KLHL1: variants seen among roughly 807,000 people sequenced by gnomAD.
KLHL1 encodes the protein kelch-like protein 1.
Under a neutral mutation model 77.7 loss-of-function variants are expected in KLHL1, and 47 were observed. The ratio of observed to expected loss-of-function variants is 0.60; its 90% confidence interval spans 0.48 to 0.77. The LOEUF is 0.77. Among genes scored for constraint, KLHL1 ranks in the 30% least tolerant of loss-of-function variants. The pLI, the probability that KLHL1 is intolerant of heterozygous loss-of-function variation, is 0.00. For synonymous variants in KLHL1, 360 were observed against 325.2 expected (o/e 1.11, Z -1.15); for missense variants, 925 against 910.8 (o/e 1.02, Z -0.20).
intron 4 of KLHL1, among the ~76,000 whole-genome samples, chr13:69,886,717 A>G (rs1881233614): frequency 1.3e-5 from 2 of 152,248 alleles, no homozygotes; most frequent in South Asian, 4.1e-4. Flanking sequence ...GCTAATATCA[A>G]ACCAACACAT....
intron 4 of KLHL1, among the ~76,000 whole-genome samples, chr13:69,904,730 A>C (rs1881990918): frequency 6.6e-6 from 1 of 152,182 alleles, no homozygotes; most frequent in African/African-American, 2.4e-5. Flanking sequence ...TCAAAGCCAG[A>C]CAGTCTGGCT....
intron 7 of KLHL1, among the ~76,000 whole-genome samples, chr13:69,771,652 T>C (rs1256073839): frequency 1.3e-5 from 2 of 152,218 alleles, no homozygotes; most frequent in African/African-American, 2.4e-5. Flanking sequence ...ATATTCTTTT[T>C]TCCTTTACTG....
At chr13:69,821,318 T>C (rs1462067367) in intron 6 of KLHL1, among the ~76,000 whole-genome samples, 1 of 152,092 alleles carries the variant, frequency 6.6e-6, no homozygotes, top group East Asian at 1.9e-4. Flanking sequence ...ATGTCTTCTT[T>C]TTTTTTCTTT....
At chr13:69,971,358 C>A (rs545502859) in intron 2 of KLHL1, among the ~76,000 whole-genome samples, 249 of 152,136 alleles carry the variant, frequency 1.6e-3, no homozygotes, top group Non-Finnish European at 2.4e-3. Flanking sequence ...CCTCAAGAAC[C>A]TACATTAGCT....
chr13:69,752,213 A>T (rs551349828), intron 7 of KLHL1, among the ~76,000 whole-genome samples: 1 of 152,248 alleles, frequency 6.6e-6, no homozygotes, highest in South Asian at 2.1e-4. Context: ...CTTCTAACCA[A>T]GCTTCAGTCT....
chr13:69,904,342 A>T (rs1053862025), intron 4 of KLHL1, among the ~76,000 whole-genome samples: 1 of 152,196 alleles, frequency 6.6e-6, no homozygotes, highest in African/African-American at 2.4e-5. Context: ...GAATATGAAT[A>T]TAAAAAAGTA....
chr13:69,951,945 T>C (rs961868842), intron 3 of KLHL1, among the ~76,000 whole-genome samples: 1 of 151,426 alleles, frequency 6.6e-6, no homozygotes, highest in African/African-American at 2.4e-5. Context: ...TATGCAATTC[T>C]TTCTGAAAAC....
intron 7 of KLHL1, among the ~76,000 whole-genome samples, chr13:69,757,818 G>C (rs760779076): frequency 4.6e-5 from 7 of 151,890 alleles, no homozygotes; most frequent in Non-Finnish European, 8.8e-5. Flanking sequence ...TTAGCTTGGC[G>C]TGGTGGCAGG....
At chr13:69,762,782 C>T (rs1289174325) in intron 7 of KLHL1, among the ~76,000 whole-genome samples, 1 of 151,012 alleles carries the variant, frequency 6.6e-6, no homozygotes, top group Admixed American at 6.7e-5. Context: ...TCTCTATGAA[C>T]AATAAAACTG....
At chr13:69,840,540 T>C (rs902264767) in intron 5 of KLHL1, among the ~76,000 whole-genome samples, 3 of 151,876 alleles carry the variant, frequency 2.0e-5, no homozygotes, top group African/African-American at 7.2e-5. Context: ...AGTTTTAATC[T>C]GAATAAGAAA....
At position 70,107,848 on chromosome 13, in the gene KLHL1, C is replaced by A; in HGVS notation, c.-149G>T. On this transcript the variant is annotated 5_prime_UTR_variant, in exon 1 of 11. Transcript: ENST00000377844. The stretch of plus-strand genomic sequence containing the variant: ...GCCAGAAGACGCTAGGTGGGCTGCG[C>A]GCTCTGCCAGGCGAAGGCTGGAGCG... 1.6e-6 allele frequency: 1 copy of A among 619,344 alleles called. No homozygotes were observed. The highest frequency in any genetic ancestry group is 2.6e-6 in the Non-Finnish European group (1 of 378,188). The allele number at this position is 619,344 out of a possible 1,614,324, so 38.4% of individuals were successfully genotyped here.
intron 1 of KLHL1, among the ~76,000 whole-genome samples, chr13:70,085,971 T>C (rs1887526402): frequency 6.6e-6 from 1 of 152,158 alleles, no homozygotes; most frequent in Admixed American, 6.5e-5. Context: ...TAAGTAAAAT[T>C]TGCTTTACTT....
intron 8 of KLHL1, among the ~76,000 whole-genome samples, chr13:69,729,973 C>T (rs1408160248): frequency 6.6e-6 from 1 of 151,434 alleles, no homozygotes; most frequent in South Asian, 2.1e-4. Context: ...GCTAGCTGAC[C>T]AAAAAATACA....
intron 7 of KLHL1, among the ~76,000 whole-genome samples, chr13:69,781,282 TTTC>T (rs1593824229): frequency 3.1e-5 from 4 of 130,936 alleles, no homozygotes; most frequent in African/African-American, 1.2e-4. Flanking sequence ...CCTTTTTTTC[TTTC>T]TTTTTTTTTT....
intron 7 of KLHL1, among the ~76,000 whole-genome samples, chr13:69,758,503 C>A: frequency 6.6e-6 from 1 of 151,950 alleles, no homozygotes; most frequent in East Asian, 1.9e-4. Flanking sequence ...ACACAAAAAT[C>A]ACATCTTCAT....
rs12866999 is a variant in KLHL1, at chr13:70,075,573, A to G, written c.497+31630T>C. ...TATACCTGTGTGTGTGTATGTGTATATATATATATATATATACACACACAC... is the reference window on the plus strand; with the variant it reads ...TATACCTGTGTGTGTGTATGTGTATGTATATATATATATATACACACACAC... On this transcript the variant is annotated intron_variant, in intron 1 of 10. Transcript: ENST00000377844. 6.0e-4 allele frequency among the ~76,000 whole-genome samples: 61 copies of G among 101,310 alleles called. 1 individual carries two copies. Among genetic ancestry groups the G allele is most frequent in the African/African-American group, 2.1e-3 (59 of 27,538 alleles). The allele number at this position is 101,310 out of a possible 152,430, so 66.5% of individuals were successfully genotyped here.
At chr13:69,910,155 G>T (rs1882189265) in intron 4 of KLHL1, among the ~76,000 whole-genome samples, 1 of 151,816 alleles carries the variant, frequency 6.6e-6, no homozygotes, top group Non-Finnish European at 1.5e-5. Flanking sequence ...CACAACACTT[G>T]GCATATGGTC....
chr13:69,794,552 G>C (rs989318791), intron 7 of KLHL1, among the ~76,000 whole-genome samples: 4 of 146,038 alleles, frequency 2.7e-5, no homozygotes, highest in Admixed American at 2.7e-4. Flanking sequence ...CAGAGAAAGA[G>C]GAGAGAGAGA....
At position 70,107,215 on chromosome 13, in the gene KLHL1, C is replaced by A. The variant is rs1054147579; in HGVS notation, c.485G>T (p.Gly162Val). The change falls in exon 1 of 11, where the codon GGA becomes GTA. Residue 162 changes from glycine to valine, a missense_variant. Coordinates refer to ENST00000377844, the MANE Select transcript of KLHL1 (RefSeq NM_020866.3). ...GGACTTACTGTACCTGTGTCCACAT[C>A]CTTCACCTGTTGCCTGGCTAGAGTT... is the stretch of plus-strand genomic sequence containing the variant. ...PDNSSQATGE[G>V]CGHRLSSTGH... 1.2e-6 allele frequency: 2 copies of A among 1,609,848 alleles called. No individual in the cohort carries two copies. Among genetic ancestry groups the A allele is most frequent in the African/African-American group, 1.3e-5 (1 of 74,894 alleles).
Sources: gnomAD v4.1 joint callset for allele counts (sites outside exome capture counted in the v4.1 genomes callset) on GRCh38, gnomAD v4.1.1 for gene constraint, MANE v1.5 for transcripts, NCBI Gene and HGNC (gene_info 2026-07-23, HGNC 2026-07-21) for gene names.